The following PGBD5 variants were observed in gnomAD, a reference collection of about 807,000 sequenced individuals.
PGBD5 encodes the protein piggyBac transposable element derived 5.
Under a neutral mutation model 47.9 loss-of-function variants are expected in PGBD5, and 14 were observed. That is an observed-to-expected ratio of 0.29 (90% CI 0.19 to 0.46). The LOEUF (loss-of-function observed/expected upper bound fraction) is 0.46. PGBD5 is among the 20% of genes least tolerant of loss of function. PGBD5 has a pLI of 1.00. For synonymous variants in PGBD5, 316 were observed against 306.3 expected, an observed-to-expected ratio of 1.03 and a Z score of -0.33; for missense variants, 635 against 716.0, an observed-to-expected ratio of 0.89 and a Z score of 1.29.
intron 3 of PGBD5, among the ~76,000 whole-genome samples, chr1:230,347,326 C>G (rs947333036): frequency 6.6e-6 from 1 of 152,088 alleles, no homozygotes; most frequent in African/African-American, 2.4e-5. Context: ...AAGGAACTGG[C>G]TCATGCAAAT....
chr1:230,388,347 C>T (rs769587487), intron 1 of PGBD5, among the ~76,000 whole-genome samples: 11 of 152,022 alleles, frequency 7.2e-5, no homozygotes, highest in Non-Finnish European at 1.3e-4. Context: ...TGCCCCCTCA[C>T]TCAGACGCGC....
chr1:230,421,841 T>C (rs1266446936), intron 1 of PGBD5, among the ~76,000 whole-genome samples: 1 of 152,198 alleles, frequency 6.6e-6, no homozygotes, highest in Non-Finnish European at 1.5e-5. Context: ...CTTCTTATAC[T>C]TAACACCATA....
chr1:230,370,014 G>A (rs983902428), intron 1 of PGBD5, among the ~76,000 whole-genome samples: 3 of 152,224 alleles, frequency 2.0e-5, no homozygotes, highest in African/African-American at 7.2e-5. Flanking sequence ...AAGTGACAAG[G>A]GCACAGGGCT....
intron 1 of PGBD5, among the ~76,000 whole-genome samples, chr1:230,379,252 A>G (rs1668057399): frequency 6.6e-6 from 1 of 152,066 alleles, no homozygotes; most frequent in Admixed American, 6.5e-5. Flanking sequence ...TTAGTAATTC[A>G]TGCCACAACC....
chr1:230,354,363 C>G (rs1204326721), intron 2 of PGBD5, among the ~76,000 whole-genome samples: 1 of 152,114 alleles, frequency 6.6e-6, no homozygotes, highest in Non-Finnish European at 1.5e-5. Flanking sequence ...TGAGCTGAGG[C>G]CTGGAGGTCA....
chr1:230,389,741 T>C (rs989752735), intron 1 of PGBD5, among the ~76,000 whole-genome samples: 1 of 152,128 alleles, frequency 6.6e-6, no homozygotes, highest in African/African-American at 2.4e-5. Flanking sequence ...AAAATCCAAT[T>C]AGTAAATGTT....
intron 5 of PGBD5, among the ~76,000 whole-genome samples, 155 bp downstream of exon 5, chr1:230,332,689 G>A (rs942153016): frequency 3.3e-5 from 5 of 152,184 alleles, no homozygotes; most frequent in East Asian, 1.9e-4. Context: ...CCACACTTAG[G>A]AGCGTGGCCC....
intron 1 of PGBD5, among the ~76,000 whole-genome samples, chr1:230,424,568 G>T (rs1657729909): frequency 6.6e-6 from 1 of 152,222 alleles, no homozygotes. Context: ...GCCTTCCCAT[G>T]TGCCGTGTTC....
rs142260781 is a variant in PGBD5, at chr1:230,338,119, C to T, written c.895-831G>A. ...CTGCCACAGATTATTTCTACATTAA[C>T]ACATGCAGCTCGCATGTTGCCTGTG... is the stretch of plus-strand genomic sequence containing the variant. On this transcript the variant is annotated intron_variant, in intron 3 of 6. Coordinates refer to ENST00000391860, the MANE Select transcript of PGBD5 (RefSeq NM_001258311.2). Among the ~76,000 whole-genome samples the T allele has an allele frequency of 8.9e-3, 1,353 of 152,350 alleles. 24 individuals are homozygous for T. Among genetic ancestry groups the T allele is most frequent in the African/African-American group, 0.031 (1,284 of 41,584 alleles).
At chr1:230,329,934 G>A (rs939022205) in intron 5 of PGBD5, among the ~76,000 whole-genome samples, 1 of 152,214 alleles carries the variant, frequency 6.6e-6, no homozygotes, top group Non-Finnish European at 1.5e-5. Context: ...TGAGAGCAGA[G>A]AAGGTATCAA....
chr1:230,328,146 C>T (rs1667153609), intron 5 of PGBD5, among the ~76,000 whole-genome samples: 1 of 152,234 alleles, frequency 6.6e-6, no homozygotes, highest in Non-Finnish European at 1.5e-5. Flanking sequence ...CCATAGCCAC[C>T]GACCTTGCAG....
intron 1 of PGBD5, among the ~76,000 whole-genome samples, chr1:230,378,032 T>A (rs1021571642): frequency 6.6e-6 from 1 of 152,260 alleles, no homozygotes; most frequent in Non-Finnish European, 1.5e-5. Flanking sequence ...TGAGTCCAAG[T>A]ACAGAAAGCT....
chr1:230,422,865 G>C (rs1657687538), intron 1 of PGBD5, among the ~76,000 whole-genome samples: 1 of 151,982 alleles, frequency 6.6e-6, no homozygotes, highest in Non-Finnish European at 1.5e-5. Context: ...TCTCCCAGCT[G>C]GGCACCAAGT....
At chr1:230,424,153 C>G (rs1657719197) in intron 1 of PGBD5, among the ~76,000 whole-genome samples, 1 of 152,184 alleles carries the variant, frequency 6.6e-6, no homozygotes, top group African/African-American at 2.4e-5. Context: ...AATTACATCA[C>G]AGATGCTCAC....
Position 230,351,064 on chromosome 1 carries a change from T to A in PGBD5, c.788A>T (p.Asp263Val), listed in dbSNP as rs1667553991. The A allele has an allele frequency of 6.2e-7, 1 of 1,613,728 alleles. No homozygotes were observed. The highest frequency in any genetic ancestry group is 8.5e-7 in the Non-Finnish European group (1 of 1,179,884). ...TGTGCACGTGGCAATGAATACAGGA[T>A]CCTCATCGATCAGGGGTTCATGTAG... ...QVLHEPLIDE[D>V]PVFIATCTER... The change falls in exon 3 of 7, where the codon GAT becomes GTT. Residue 263 changes from aspartate to valine, a missense_variant. By Grantham distance (152) the Asp-to-Val change is radical (BLOSUM62 -3). Transcript: ENST00000391860.
intron 1 of PGBD5, among the ~76,000 whole-genome samples, chr1:230,363,514 G>A (rs896399227): frequency 3.9e-5 from 6 of 152,030 alleles, no homozygotes; most frequent in South Asian, 2.1e-4. Flanking sequence ...CCTGGGAGGC[G>A]GAGGCTGCAG....
chr1:230,351,264 T>C (rs1411488929), intron 2 of PGBD5, among the ~76,000 whole-genome samples, 172 bp from the exon 3 acceptor site: 1 of 152,250 alleles, frequency 6.6e-6, no homozygotes, highest in African/African-American at 2.4e-5. Context: ...GGTATCATTA[T>C]CTATACTACT....
rs1436161157 is a variant in PGBD5, at chr1:230,425,456, C to A, written c.331+142G>T. 9 of 603,562 alleles carry A rather than the reference C, an allele frequency of 1.5e-5. No homozygotes were observed. The highest frequency in any genetic ancestry group is 2.1e-5 in the Non-Finnish European group (9 of 422,474). The allele number at this position is 603,562 out of a possible 1,614,324, so 37.4% of individuals were successfully genotyped here. A position where few individuals can be genotyped will look rare whatever the true frequency, so the allele number is the denominator to read the frequency against. ...CCAGGAGCAGTCAGACCGATCACCG[C>A]TCCTGCAGCCTCATTTGTTTCCGGA... On this transcript the variant is annotated intron_variant, in intron 1 of 6. Transcript: ENST00000391860. The surrounding 1 kb of genome is among the most constrained non-coding windows in gnomAD (Gnocchi z 4.7).
chr1:230,332,724 T>C (rs751478350), intron 5 of PGBD5, 120 bp downstream of exon 5: 1 of 1,148,642 alleles, frequency 8.7e-7, no homozygotes, highest in Non-Finnish European at 1.3e-6. Context: ...TAACCGAGGG[T>C]AGTCTGACCC....
Sources: allele counts gnomAD v4.1 joint callset (sites outside exome capture counted in the v4.1 genomes callset), GRCh38; gene constraint gnomAD v4.1.1; non-coding constraint Gnocchi (gnomAD v3.1); transcripts MANE v1.5; gene names NCBI Gene and HGNC (gene_info 2026-07-23, HGNC 2026-07-21).